The following PTPRD variants were observed in gnomAD, a reference collection of about 807,000 sequenced individuals.
The protein encoded by PTPRD is protein tyrosine phosphatase receptor type D, also known as receptor-type tyrosine-protein phosphatase delta.
In PTPRD, 34 loss-of-function variants were observed where a neutral mutation model predicts 214.5. That is an observed-to-expected ratio of 0.16 (90% CI 0.12 to 0.21). The LOEUF (loss-of-function observed/expected upper bound fraction) is 0.21, where lower values mean the gene tolerates loss of function less well. Among genes scored for constraint, PTPRD ranks in the 10% least tolerant of loss-of-function variants. The probability of loss-of-function intolerance (pLI) is 1.00; values close to 1 mark genes in which losing one functional copy is unlikely to be tolerated. For synonymous variants in PTPRD, 1,128 were observed against 845.7 expected (o/e 1.33, Z -5.79); for missense variants, 2,545 against 2,398.7 (o/e 1.06, Z -1.27).
intron 3 of PTPRD, among the ~76,000 whole-genome samples, chr9:10,201,066 T>G (rs938780837): frequency 6.6e-6 from 1 of 151,986 alleles, no homozygotes; most frequent in African/African-American, 2.4e-5. Context: ...ATCATAGCCT[T>G]GGAGTTACAA....
chr9:9,509,750 G>C (rs984273331), intron 8 of PTPRD, among the ~76,000 whole-genome samples: 1 of 151,174 alleles, frequency 6.6e-6, no homozygotes, highest in African/African-American at 2.4e-5. Context: ...CCAAACTCCT[G>C]GCTTTCAGTA....
intron 11 of PTPRD, among the ~76,000 whole-genome samples, chr9:8,806,458 A>C (rs1422714056): frequency 6.6e-6 from 1 of 152,194 alleles, no homozygotes; most frequent in African/African-American, 2.4e-5. Context: ...TCTTATCAGC[A>C]ACACTTCCAG....
intron 10 of PTPRD, among the ~76,000 whole-genome samples, chr9:9,048,565 C>T (rs1303493697): frequency 6.6e-6 from 1 of 152,114 alleles, no homozygotes; most frequent in Non-Finnish European, 1.5e-5. Context: ...GAAAGACTAA[C>T]ATCGTATGTT....
intron 2 of PTPRD, among the ~76,000 whole-genome samples, chr9:10,372,677 T>A (rs560790503): frequency 6.6e-6 from 1 of 151,990 alleles, no homozygotes; most frequent in Non-Finnish European, 1.5e-5. Context: ...ATAGTGAGTA[T>A]GTTACAAAAT....
At chr9:8,668,573 C>T (rs566238547) in intron 12 of PTPRD, among the ~76,000 whole-genome samples, 95 of 152,050 alleles carry the variant, frequency 6.2e-4, no homozygotes, top group Non-Finnish European at 7.9e-4. Context: ...TGCATCAAAA[C>T]AAAGACTAGA....
chr9:9,109,109 C>T (rs1455250778), intron 10 of PTPRD, among the ~76,000 whole-genome samples: 1 of 152,104 alleles, frequency 6.6e-6, no homozygotes, highest in Non-Finnish European at 1.5e-5. Context: ...TAGCAATAAA[C>T]CATGAGGGAA....
chr9:10,525,179 T>C (rs992697554), intron 2 of PTPRD, among the ~76,000 whole-genome samples: 2 of 152,058 alleles, frequency 1.3e-5, no homozygotes, highest in Admixed American at 1.3e-4. Flanking sequence ...ATTCTAGTTA[T>C]CAGATTTGTC....
Position 8,814,561 on chromosome 9 carries a change from G to T in PTPRD, c.-103-80615C>A, listed in dbSNP as rs147699467. Among the ~76,000 whole-genome samples the T allele has an allele frequency of 2.0e-5, 3 of 152,274 alleles. No individual in the cohort carries two copies. In the East Asian group the frequency reaches 5.8e-4, roughly 29 times the overall value. ...CATACCTGAGGCGGAAACCCTAGGT[G>T]ACACGAGCAAGTCAAAATGTGTTGA... On this transcript the variant is annotated intron_variant, in intron 11 of 45. Coordinates refer to ENST00000381196, the MANE Select transcript of PTPRD (RefSeq NM_002839.4).
At chr9:10,284,617 T>C (rs1055291719) in intron 3 of PTPRD, among the ~76,000 whole-genome samples, 1 of 152,212 alleles carries the variant, frequency 6.6e-6, no homozygotes. Context: ...AGGCATGGCT[T>C]AGTTGGTTTC....
chr9:10,123,558 A>G (rs1296377633), intron 3 of PTPRD, among the ~76,000 whole-genome samples: 1 of 152,164 alleles, frequency 6.6e-6, no homozygotes, highest in Non-Finnish European at 1.5e-5. Flanking sequence ...TTCATGAACC[A>G]TCTTGTTATA....
At chr9:8,932,654 C>T (rs189708843) in intron 11 of PTPRD, among the ~76,000 whole-genome samples, 27 of 152,256 alleles carry the variant, frequency 1.8e-4, no homozygotes, top group South Asian at 8.3e-4. Flanking sequence ...AACTTCCCAG[C>T]GGCTTTGTTT....
intron 7 of PTPRD, among the ~76,000 whole-genome samples, chr9:9,585,435 G>T (rs1007121773): frequency 6.6e-6 from 1 of 152,054 alleles, no homozygotes; most frequent in Admixed American, 6.6e-5. Flanking sequence ...AGACCTGAAT[G>T]TATTTCTGGC....
intron 3 of PTPRD, among the ~76,000 whole-genome samples, chr9:10,073,871 G>T (rs1263660195): frequency 2.0e-5 from 3 of 152,098 alleles, no homozygotes; most frequent in African/African-American, 7.2e-5. Context: ...TTTTCAAAAA[G>T]TGACTAATTT....
chr9:10,375,744 A>C (rs2097715622), intron 2 of PTPRD, among the ~76,000 whole-genome samples: 1 of 152,010 alleles, frequency 6.6e-6, no homozygotes, highest in Non-Finnish European at 1.5e-5. Flanking sequence ...TGGTGATAGA[A>C]TATCTGGAAA....
At chr9:9,500,469 A>G (rs2096372293) in intron 8 of PTPRD, among the ~76,000 whole-genome samples, 7 of 152,038 alleles carry the variant, frequency 4.6e-5, no homozygotes, top group Admixed American at 4.6e-4. Flanking sequence ...CACTGAGTTG[A>G]GACTATAGAT....
At chr9:8,918,617 G>C (rs547238904) in intron 11 of PTPRD, among the ~76,000 whole-genome samples, 4 of 152,254 alleles carry the variant, frequency 2.6e-5, no homozygotes, top group African/African-American at 9.6e-5. Flanking sequence ...ATTACTTGTA[G>C]CCTATGTTAG....
At chr9:8,730,640 A>G (rs957232485) in intron 12 of PTPRD, among the ~76,000 whole-genome samples, 1 of 152,262 alleles carries the variant, frequency 6.6e-6, no homozygotes, top group African/African-American at 2.4e-5. Context: ...GGTAAATAGC[A>G]AACGAAATTT....
At chr9:10,429,703 A>T (rs754661905) in intron 2 of PTPRD, among the ~76,000 whole-genome samples, 1 of 151,522 alleles carries the variant, frequency 6.6e-6, no homozygotes, top group African/African-American at 2.4e-5. Flanking sequence ...ATACAATGAT[A>T]GAGTATAATG....
chr9:8,334,561 G>C (rs1844764488), intron 43 of PTPRD, among the ~76,000 whole-genome samples: 1 of 134,676 alleles, frequency 7.4e-6, no homozygotes, highest in Non-Finnish European at 1.6e-5. Flanking sequence ...GAAATTTATA[G>C]CACTAAATGC....
Sources: allele counts gnomAD v4.1 joint callset (sites outside exome capture counted in the v4.1 genomes callset), GRCh38; gene constraint gnomAD v4.1.1; transcripts MANE v1.5; gene names NCBI Gene and HGNC (gene_info 2026-07-23, HGNC 2026-07-21).